The following CRTAM variants were observed in gnomAD, a reference collection of about 807,000 sequenced individuals.
CRTAM encodes cytotoxic and regulatory T cell molecule.
CRTAM carries 44 observed loss-of-function variants against 50.0 expected under a neutral mutation model. That is an observed-to-expected ratio of 0.88 (90% confidence interval 0.69 to 1.13). CRTAM has a LOEUF of 1.13. CRTAM is among the 50% of genes most tolerant of loss of function. The pLI is 0.00. For synonymous variants in CRTAM, 159 were observed against 169.3 expected (o/e 0.94, Z 0.47); for missense variants, 448 against 457.5 (o/e 0.98, Z 0.19).
At chr11:122,862,953 A>G (rs746577493) in intron 6 of CRTAM, among the ~76,000 whole-genome samples, 9 of 152,248 alleles carry the variant, frequency 5.9e-5, no homozygotes, top group Non-Finnish European at 1.0e-4. Flanking sequence ...ACAAAGAGAA[A>G]AGAAGCAGAA....
intron 8 of CRTAM, 77 bp downstream of exon 8, chr11:122,867,632 T>A: frequency 7.0e-7 from 1 of 1,425,024 alleles, no homozygotes; most frequent in Non-Finnish European, 9.6e-7. Context: ...TTCTGTCCAT[T>A]AAAGCTTTCT....
chr11:122,856,361 C>T (rs60244213), intron 5 of CRTAM, among the ~76,000 whole-genome samples: 22,318 of 152,204 alleles, frequency 0.15, 2,039 homozygotes, highest in African/African-American at 0.26. Context: ...CTGAGTTGAA[C>T]ACCATTTTAA....
intron 1 of CRTAM, among the ~76,000 whole-genome samples, chr11:122,849,628 A>G (rs2135235024): frequency 6.6e-6 from 1 of 152,224 alleles, no homozygotes; most frequent in Non-Finnish European, 1.5e-5. Context: ...AGGCTGAGGC[A>G]TGAGAATCGC....
At position 122,854,089 on chromosome 11, in the gene CRTAM, A is replaced by G; in HGVS notation, c.490+3A>G. Reference sequence around the variant, plus strand: ...TGGGAATAGCATGGAAGTGTCCGGTAAGGGGAGAAATGGTTCTCTTTGTCT... The same window carrying G: ...TGGGAATAGCATGGAAGTGTCCGGTGAGGGGAGAAATGGTTCTCTTTGTCT... On this transcript the variant is annotated splice_donor_region_variant and intron_variant, in intron 4 of 9. Transcript: ENST00000227348. 2 of 1,608,154 alleles carry G rather than the reference A, an allele frequency of 1.2e-6. No individual in the cohort carries two copies. The highest frequency in any genetic ancestry group is 1.7e-6 in the Non-Finnish European group (2 of 1,178,324).
Position 122,871,522 on chromosome 11 carries a change from G to C in CRTAM, c.*123G>C. ...TGACCTCTTAGTGCAATGCAAGATG[G>C]TGTCCTCGGATAATGATCTGCCCCG... is the stretch of plus-strand genomic sequence containing the variant. On this transcript the variant is annotated 3_prime_UTR_variant, in exon 10 of 10. Transcript: ENST00000227348. 1 of 735,748 alleles carries C rather than the reference G, an allele frequency of 1.4e-6. No individual in the cohort carries two copies. The highest frequency in any genetic ancestry group is 2.1e-6 in the Non-Finnish European group (1 of 478,694). The allele number at this position is 735,748 out of a possible 1,614,324, so 45.6% of individuals were successfully genotyped here.
intron 3 of CRTAM, 95 bp from the exon 4 acceptor site, chr11:122,853,848 C>A: frequency 1.7e-6 from 2 of 1,200,196 alleles, no homozygotes; most frequent in Non-Finnish European, 1.2e-6. Context: ...TAGAGTATAC[C>A]CTATAACAAT....
intron 1 of CRTAM, among the ~76,000 whole-genome samples, chr11:122,841,381 T>G (rs1446091771): frequency 1.3e-5 from 2 of 150,118 alleles, no homozygotes; most frequent in Non-Finnish European, 2.9e-5. Flanking sequence ...TAATATTTAT[T>G]CCTAAATATA....
At chr11:122,862,379 T>G (rs912225103) in intron 5 of CRTAM, 85 bp from the exon 6 acceptor site, 1 of 865,978 alleles carries the variant, frequency 1.2e-6, no homozygotes, top group Non-Finnish European at 2.0e-6. Flanking sequence ...AGCCGCTAAA[T>G]ATATTCTCCA....
intron 5 of CRTAM, among the ~76,000 whole-genome samples, chr11:122,857,249 A>C (rs1217635138): frequency 1.3e-5 from 2 of 152,160 alleles, no homozygotes; most frequent in African/African-American, 4.8e-5. Flanking sequence ...CGGGCAGATC[A>C]CCTGAGGTCA....
intron 1 of CRTAM, among the ~76,000 whole-genome samples, chr11:122,843,545 G>A (rs574048195): frequency 6.6e-6 from 1 of 152,274 alleles, no homozygotes; most frequent in African/African-American, 2.4e-5. Context: ...GCTCAGATAG[G>A]ACTAGGAAGT....
intron 5 of CRTAM, chr11:122,862,191 AG>A: frequency 2.2e-6 from 1 of 447,904 alleles, no homozygotes; most frequent in South Asian, 4.3e-5. Context: ...AGAAGGACAC[AG>A]ATAGAAACAG....
At chr11:122,867,977 A>G in intron 8 of CRTAM, 36 bp from the exon 9 acceptor site, 5 of 1,237,740 alleles carry the variant, frequency 4.0e-6, no homozygotes, top group Non-Finnish European at 5.9e-6. Flanking sequence ...TGTCCATGGC[A>G]TCAGAAATTA....
At chr11:122,849,105 G>C (rs1410029068) in intron 1 of CRTAM, among the ~76,000 whole-genome samples, 3 of 152,194 alleles carry the variant, frequency 2.0e-5, no homozygotes, top group African/African-American at 7.2e-5. Context: ...CTCTGGTGTA[G>C]AAACTCTCGG....
intron 5 of CRTAM, among the ~76,000 whole-genome samples, chr11:122,859,946 G>A (rs1401592025): frequency 1.4e-5 from 2 of 141,364 alleles, no homozygotes; most frequent in Non-Finnish European, 3.1e-5. Flanking sequence ...TATCATCACC[G>A]ATCTCATCAG....
At chr11:122,864,752 C>G (rs1476975250) in intron 7 of CRTAM, 33 bp downstream of exon 7, 4 of 1,478,868 alleles carry the variant, frequency 2.7e-6, no homozygotes, top group Middle Eastern at 1.7e-4. Context: ...AGAATAAACA[C>G]TCGACATTTT....
chr11:122,866,726 C>G (rs1386017743), intron 7 of CRTAM, among the ~76,000 whole-genome samples: 5 of 151,992 alleles, frequency 3.3e-5, no homozygotes. Flanking sequence ...GCCTCAGTCT[C>G]CCAAGTAGCT....
intron 9 of CRTAM, among the ~76,000 whole-genome samples, 187 bp downstream of exon 9, chr11:122,868,286 G>A (rs1431432864): frequency 6.6e-6 from 1 of 150,724 alleles, no homozygotes; most frequent in Admixed American, 6.6e-5. Flanking sequence ...TATGGAGGCT[G>A]ACAAGTCCTT....
At chr11:122,849,424 T>A (rs1304793141) in intron 1 of CRTAM, among the ~76,000 whole-genome samples, 1 of 152,204 alleles carries the variant, frequency 6.6e-6, no homozygotes, top group Non-Finnish European at 1.5e-5. Flanking sequence ...TAGGGTTAGT[T>A]TGAAAATTAA....
chr11:122,861,601 G>A (rs751928902), intron 5 of CRTAM, among the ~76,000 whole-genome samples: 3 of 150,538 alleles, frequency 2.0e-5, no homozygotes, highest in African/African-American at 7.3e-5. Flanking sequence ...CACCACGCCC[G>A]GCTAGTTTTT....
Sources: gnomAD v4.1 joint callset for allele counts (sites outside exome capture counted in the v4.1 genomes callset) on GRCh38, gnomAD v4.1.1 for gene constraint, MANE v1.5 for transcripts, NCBI Gene and HGNC (gene_info 2026-07-23, HGNC 2026-07-21) for gene names.